Variants in EXOC4 observed in about 807,000 individuals in gnomAD.
The protein encoded by EXOC4 is exocyst complex component 4.
In EXOC4, 71 loss-of-function variants were observed where a neutral mutation model predicts 107.2. The observed-to-expected ratio is 0.66, with a 90% CI of 0.55 to 0.81. The LOEUF is 0.81. Among genes scored for constraint, EXOC4 ranks in the 30% least tolerant of loss-of-function variants. EXOC4 has a pLI of 0.00. For missense variants in EXOC4, 1,108 were observed against 1,189.6 expected (o/e 0.93, Z 1.01); for synonymous variants, 456 against 441.2 (o/e 1.03, Z -0.42).
chr7:133,413,523 T>C (rs1460838746), intron 7 of EXOC4, among the ~76,000 whole-genome samples: 1 of 152,116 alleles, frequency 6.6e-6, no homozygotes, highest in Non-Finnish European at 1.5e-5. Context: ...GTGACTTTGG[T>C]GTCAAATTTA....
At chr7:134,035,774 T>C (rs1451372091) in intron 17 of EXOC4, among the ~76,000 whole-genome samples, 1 of 152,202 alleles carries the variant, frequency 6.6e-6, no homozygotes, top group Non-Finnish European at 1.5e-5. Flanking sequence ...CTTCATCCTC[T>C]GAAGCTACTC....
intron 5 of EXOC4, among the ~76,000 whole-genome samples, chr7:133,317,727 G>T (rs1330710683): frequency 6.6e-6 from 1 of 151,700 alleles, no homozygotes; most frequent in African/African-American, 2.4e-5. Flanking sequence ...TGTTGCCCAG[G>T]CTGGAGTGTA....
intron 1 of EXOC4, among the ~76,000 whole-genome samples, chr7:133,268,808 G>A (rs904097931): frequency 2.6e-5 from 4 of 152,192 alleles, no homozygotes; most frequent in Non-Finnish European, 5.9e-5. Flanking sequence ...CATGTGTACC[G>A]TGGTCCTTTT....
At chr7:133,697,141 A>G (rs1003683948) in intron 10 of EXOC4, among the ~76,000 whole-genome samples, 1 of 152,192 alleles carries the variant, frequency 6.6e-6, no homozygotes, top group African/African-American at 2.4e-5. Flanking sequence ...TGTTTTAAAA[A>G]AGCTCTCATA....
intron 15 of EXOC4, among the ~76,000 whole-genome samples, chr7:134,001,588 G>A (rs1794532935): frequency 6.6e-6 from 1 of 152,034 alleles, no homozygotes; most frequent in African/African-American, 2.4e-5. Context: ...CAGTTCATAA[G>A]AATTTCCTAA....
chr7:133,401,701 T>C (rs895134280), intron 7 of EXOC4, among the ~76,000 whole-genome samples: 2 of 151,686 alleles, frequency 1.3e-5, no homozygotes, highest in Non-Finnish European at 2.9e-5. Context: ...AATCTTTTCA[T>C]TGAGAATTTT....
intron 7 of EXOC4, among the ~76,000 whole-genome samples, chr7:133,461,203 C>T (rs1398261005): frequency 6.6e-6 from 1 of 152,142 alleles, no homozygotes; most frequent in Non-Finnish European, 1.5e-5. Flanking sequence ...GCGATGAATT[C>T]GGTTGAGATG....
intron 7 of EXOC4, among the ~76,000 whole-genome samples, chr7:133,418,850 A>G (rs1328619487): frequency 6.6e-6 from 1 of 152,222 alleles, no homozygotes; most frequent in Non-Finnish European, 1.5e-5. Flanking sequence ...TCTATGTAGA[A>G]TATAGGATTA....
intron 17 of EXOC4, among the ~76,000 whole-genome samples, chr7:134,049,500 G>A (rs2116570987): frequency 6.6e-6 from 1 of 152,256 alleles, no homozygotes; most frequent in Admixed American, 6.5e-5. Context: ...CACACATTCT[G>A]TTTCCTTTGC....
intron 15 of EXOC4, among the ~76,000 whole-genome samples, chr7:134,004,202 G>A (rs537237136): frequency 6.6e-6 from 1 of 152,124 alleles, no homozygotes; most frequent in East Asian, 1.9e-4. Context: ...ATTCATAGAG[G>A]TTCCATACAT....
intron 6 of EXOC4, among the ~76,000 whole-genome samples, chr7:133,365,536 A>C (rs549830985): frequency 6.6e-6 from 1 of 152,286 alleles, no homozygotes; most frequent in Admixed American, 6.5e-5. Context: ...ACCAGGCCCC[A>C]CTTCAGTATT....
chr7:134,011,146 T>G (rs2116363472), intron 17 of EXOC4, among the ~76,000 whole-genome samples: 1 of 152,190 alleles, frequency 6.6e-6, no homozygotes, highest in South Asian at 2.1e-4. Flanking sequence ...GCTTTATGAG[T>G]GTGCTTTTTT....
At chr7:133,444,455 TAGAC>T (rs1177535758) in intron 7 of EXOC4, among the ~76,000 whole-genome samples, 2 of 152,168 alleles carry the variant, frequency 1.3e-5, no homozygotes, top group African/African-American at 2.4e-5. Flanking sequence ...TAGAACAAGA[TAGAC>T]AGTCTTACAA....
At chr7:133,382,206 A>G (rs1230531400) in intron 7 of EXOC4, among the ~76,000 whole-genome samples, 1 of 152,216 alleles carries the variant, frequency 6.6e-6, no homozygotes, top group African/African-American at 2.4e-5. Flanking sequence ...AGAAGTAAAC[A>G]AGACAGGCTT....
chr7:133,994,656 T>TA (rs1794342152), intron 14 of EXOC4, among the ~76,000 whole-genome samples: 1 of 152,138 alleles, frequency 6.6e-6, no homozygotes, highest in African/African-American at 2.4e-5. Flanking sequence ...ATCAAGCACT[T>TA]ACATATTTAA....
At chr7:133,568,063 T>C (rs1309408238) in intron 9 of EXOC4, among the ~76,000 whole-genome samples, 6 of 152,226 alleles carry the variant, frequency 3.9e-5, no homozygotes, top group Non-Finnish European at 7.3e-5. Context: ...AACAAATTCT[T>C]GACTCATTCC....
At chr7:134,095,508 G>A in the EXOC4 span, among the ~76,000 whole-genome samples, 8 of 152,032 alleles carry the variant, frequency 5.3e-5, no homozygotes, top group South Asian at 8.3e-4. Flanking sequence ...AGCCCAAGTA[G>A]CCAAAACAAT....
At chr7:133,645,544 A>G (rs1248321419) in intron 10 of EXOC4, among the ~76,000 whole-genome samples, 2 of 152,078 alleles carry the variant, frequency 1.3e-5, no homozygotes, top group Non-Finnish European at 2.9e-5. Flanking sequence ...TTGCATAACT[A>G]GAACTTGAAT....
At chr7:134,041,694 G>A (rs960665996) in intron 17 of EXOC4, among the ~76,000 whole-genome samples, 1 of 152,054 alleles carries the variant, frequency 6.6e-6, no homozygotes, top group Admixed American at 6.6e-5. Flanking sequence ...AGTGCTGAGG[G>A]GGCTTATTGA....
Sources: allele counts gnomAD v4.1 joint callset (sites outside exome capture counted in the v4.1 genomes callset), GRCh38; gene constraint gnomAD v4.1.1; transcripts MANE v1.5; gene names NCBI Gene and HGNC (gene_info 2026-07-23, HGNC 2026-07-21).